Variants in SNTB1 observed in about 807,000 individuals in gnomAD.
SNTB1 encodes the protein syntrophin beta 1, also known as beta-1-syntrophin.
In SNTB1, 36 loss-of-function variants were observed where a neutral mutation model predicts 48.9. The ratio of observed to expected loss-of-function variants is 0.74; its 90% CI spans 0.56 to 0.97. The LOEUF (loss-of-function observed/expected upper bound fraction) is 0.97, where lower values mean the gene tolerates loss of function less well. SNTB1 is among the 50% of genes least tolerant of loss of function. The pLI is 0.00. For missense variants in SNTB1, 786 were observed against 703.4 expected (o/e 1.12, Z -1.33); for synonymous variants, 299 against 294.6 (o/e 1.01, Z -0.15).
chr8:120,670,250 T>G (rs1817737941), intron 2 of SNTB1, among the ~76,000 whole-genome samples: 1 of 152,190 alleles, frequency 6.6e-6, no homozygotes, highest in Non-Finnish European at 1.5e-5. Context: ...AGGGTAGCTT[T>G]GGAAGGGGTT....
Position 120,552,312 on chromosome 8 carries a change from T to A in SNTB1, c.1137-3354A>T, listed in dbSNP as rs536236546. ...CCTGGAACCAAGCTGACCAATACCCTGAACAGGGAGAGCTTAATGGGGAAG... is the reference window on the plus strand; with the variant it reads ...CCTGGAACCAAGCTGACCAATACCCAGAACAGGGAGAGCTTAATGGGGAAG... On this transcript the variant is annotated intron_variant, in intron 4 of 6. Transcript: ENST00000517992. Among the ~76,000 whole-genome samples the A allele has an allele frequency of 4.6e-5, 7 of 152,318 alleles. No individual in the cohort carries two copies. The South Asian group carries it at 1.5e-3, about 32-fold the overall frequency.
intron 2 of SNTB1, among the ~76,000 whole-genome samples, chr8:120,650,966 C>A (rs575068442): frequency 9.2e-5 from 14 of 152,168 alleles, no homozygotes; most frequent in Non-Finnish European, 1.8e-4. Context: ...TACTTAAACT[C>A]CCTAAGCCTC....
intron 1 of SNTB1, among the ~76,000 whole-genome samples, chr8:120,744,110 AC>A (rs1298325453): frequency 7.7e-6 from 1 of 130,216 alleles, no homozygotes; most frequent in Admixed American, 8.9e-5. Context: ...AGCCTGGGTG[AC>A]CCTGTCTCAA....
chr8:120,776,188 A>G (rs897978594), intron 1 of SNTB1, among the ~76,000 whole-genome samples: 10 of 152,222 alleles, frequency 6.6e-5, no homozygotes, highest in African/African-American at 2.2e-4. Flanking sequence ...AGAGCTCCTC[A>G]GATTACCAAT....
chr8:120,722,419 C>A (rs1028434716), intron 1 of SNTB1, among the ~76,000 whole-genome samples: 8 of 152,176 alleles, frequency 5.3e-5, no homozygotes, highest in Non-Finnish European at 1.0e-4. Context: ...TGTTTCCTGA[C>A]TTTTTAATGA....
intron 1 of SNTB1, among the ~76,000 whole-genome samples, chr8:120,731,234 T>TTTATAA (rs1818844995): frequency 6.6e-6 from 1 of 152,194 alleles, no homozygotes; most frequent in Admixed American, 6.5e-5. Flanking sequence ...CAAGTTAAAT[T>TTTATAA]ATACCCTGCC....
intron 1 of SNTB1, among the ~76,000 whole-genome samples, chr8:120,700,972 A>G (rs975549751): frequency 6.6e-6 from 1 of 152,196 alleles, no homozygotes; most frequent in African/African-American, 2.4e-5. Context: ...GGATGTAAAC[A>G]CAAATGTGGA....
intron 1 of SNTB1, among the ~76,000 whole-genome samples, chr8:120,806,592 G>A (rs1026980836): frequency 2.6e-5 from 4 of 152,140 alleles, no homozygotes; most frequent in African/African-American, 7.2e-5. Flanking sequence ...ATAATAAAAG[G>A]GGTGTTAAAA....
chr8:120,718,766 G>A (rs1209230865), intron 1 of SNTB1, among the ~76,000 whole-genome samples: 1 of 152,072 alleles, frequency 6.6e-6, no homozygotes, highest in African/African-American at 2.4e-5. Context: ...TTTAGAGAAA[G>A]TAAAACTACC....
At chr8:120,630,801 C>T (rs188099062) in intron 3 of SNTB1, among the ~76,000 whole-genome samples, 5 of 152,208 alleles carry the variant, frequency 3.3e-5, no homozygotes, top group African/African-American at 1.2e-4. Context: ...CCAAGTTAAC[C>T]CAATTAGACT....
chr8:120,548,723 C>T (rs12335252), intron 5 of SNTB1, 39 bp downstream of exon 5: 8 of 1,592,766 alleles, frequency 5.0e-6, no homozygotes, highest in Admixed American at 3.3e-5. Context: ...TTCATCTTCC[C>T]GTAACAATGT....
intron 1 of SNTB1, among the ~76,000 whole-genome samples, chr8:120,697,769 TAC>T (rs1563854598): frequency 6.6e-6 from 1 of 152,244 alleles, no homozygotes; most frequent in East Asian, 1.9e-4. Context: ...ATAGTATGTT[TAC>T]AGAGACAAAT....
chr8:120,558,081 G>T (rs1391328149), intron 4 of SNTB1, among the ~76,000 whole-genome samples: 1 of 152,202 alleles, frequency 6.6e-6, no homozygotes, highest in Non-Finnish European at 1.5e-5. Context: ...AAACCTGTCT[G>T]CCTGGCTTTT....
intron 2 of SNTB1, chr8:120,638,116 G>A (rs1817114182): frequency 6.5e-6 from 1 of 152,872 alleles, no homozygotes; most frequent in Admixed American, 6.5e-5. Context: ...GGATATTGGG[G>A]TTTTGGGTAG....
At chr8:120,796,514 A>T (rs1183825562) in intron 1 of SNTB1, among the ~76,000 whole-genome samples, 2 of 152,010 alleles carry the variant, frequency 1.3e-5, no homozygotes, top group Non-Finnish European at 2.9e-5. Context: ...TCAACAACAC[A>T]GGTCTGGAGT....
chr8:120,774,467 C>A (rs1587151737), intron 1 of SNTB1, among the ~76,000 whole-genome samples: 1 of 152,160 alleles, frequency 6.6e-6, no homozygotes, highest in Non-Finnish European at 1.5e-5. Context: ...ACAGATCTCC[C>A]TGGCAGCTGT....
At chr8:120,720,079 A>G (rs538305669) in intron 1 of SNTB1, among the ~76,000 whole-genome samples, 3 of 152,342 alleles carry the variant, frequency 2.0e-5, no homozygotes, top group East Asian at 1.9e-4. Context: ...CAGTAAATAC[A>G]TGGGTTAGGG....
chr8:120,691,074 T>C (rs1009485826), intron 2 of SNTB1, among the ~76,000 whole-genome samples: 4 of 152,246 alleles, frequency 2.6e-5, no homozygotes, highest in Admixed American at 2.6e-4. Context: ...AAACTTATTC[T>C]CCTCTACTGG....
At chr8:120,702,540 T>A in intron 1 of SNTB1, among the ~76,000 whole-genome samples, 1 of 152,306 alleles carries the variant, frequency 6.6e-6, no homozygotes, top group South Asian at 2.1e-4. Flanking sequence ...TTCAAAGTGC[T>A]CCTGACACCT....
Sources: gnomAD v4.1 joint callset for allele counts (sites outside exome capture counted in the v4.1 genomes callset) on GRCh38, gnomAD v4.1.1 for gene constraint, MANE v1.5 for transcripts, NCBI Gene and HGNC (gene_info 2026-07-23, HGNC 2026-07-21) for gene names.